Variants in OR2A42 observed in about 807,000 individuals in gnomAD.
OR2A42 encodes the protein olfactory receptor 2A1/2A42.
For missense variants in OR2A42, 3 were observed against 104.1 expected (o/e 0.03, Z 4.23); for synonymous variants, 5 against 46.4 (o/e 0.11, Z 3.63).
rs865863903 is a variant in OR2A42 at position 144,237,549 on chromosome 7, A to C, written c.-5+883T>G. ...CCAGATTCAGTCCAAAGACGGTAAA[A>C]AAACAAACAAACAAACAACAACAAA... On this transcript the variant is annotated intron_variant, in intron 2 of 2. Transcript: ENST00000641810. Among the ~76,000 whole-genome samples, 571 of 146,136 alleles carry C rather than the reference A, an allele frequency of 3.9e-3. 14 individuals carry two copies. The highest frequency in any genetic ancestry group is 0.018 in the Middle Eastern group (5 of 278).
At chr7:144,235,603 G>GT (rs1177777823) in intron 2 of OR2A42, among the ~76,000 whole-genome samples, 4 of 152,296 alleles carry the variant, frequency 2.6e-5, no homozygotes, top group South Asian at 2.1e-4. Flanking sequence ...TGAATGCATA[G>GT]TTTTTTTAAC....
chr7:144,235,122 T>A (rs1586962744), intron 2 of OR2A42, among the ~76,000 whole-genome samples: 1 of 146,988 alleles, frequency 6.8e-6, no homozygotes, highest in South Asian at 2.2e-4. Context: ...CTAATTTTTT[T>A]AAATAAATAT....
At chr7:144,236,866 C>CT in intron 2 of OR2A42, among the ~76,000 whole-genome samples, 1 of 25,364 alleles carries the variant, frequency 3.9e-5, no homozygotes, top group Middle Eastern at 7.7e-3. Context: ...GTCTGGCTAC[C>CT]TTTTTTTAAA....
At position 144,230,017 on chromosome 7, in the gene OR2A42, T is replaced by G; in HGVS notation, c.*1894A>C. 6.7e-6 allele frequency: 1 copy of G among 149,752 alleles called. No individual in the cohort carries two copies. The highest frequency in any genetic ancestry group is 1.5e-5 in the Non-Finnish European group (1 of 67,090). 9.3% of individuals were successfully genotyped at this position (149,752 alleles called of 1,614,324 possible). ...ATCAACTTAAAAGTTTTATCCATTG[T>G]TTTTGGTTTCACCATCCTGCCCGTC... is the stretch of plus-strand genomic sequence containing the variant. On this transcript the variant is annotated 3_prime_UTR_variant, in exon 3 of 3. Transcript: ENST00000641810.
At chr7:144,236,642 A>AG (rs2052433407) in intron 2 of OR2A42, among the ~76,000 whole-genome samples, 1 of 99,852 alleles carries the variant, frequency 1.0e-5, no homozygotes, top group Non-Finnish European at 1.8e-5. Flanking sequence ...CAAAAAGAAA[A>AG]GGAAAAAAAG....
At chr7:144,237,410 TTTC>T (rs2052442417) in intron 2 of OR2A42, among the ~76,000 whole-genome samples, 1 of 143,322 alleles carries the variant, frequency 7.0e-6, no homozygotes, top group Non-Finnish European at 1.5e-5. Context: ...TAAATGAGAT[TTTC>T]TTTGTATCAC....
chr7:144,235,483 G>A (rs1207936670), intron 2 of OR2A42, among the ~76,000 whole-genome samples: 3 of 151,986 alleles, frequency 2.0e-5, no homozygotes, highest in Admixed American at 2.0e-4. Context: ...GGACTGGGTT[G>A]TTAACACACT....
rs1337933894 is a variant in OR2A42, at chr7:144,229,692, T to TA, written c.*2218dup. 1 of 150,326 alleles carries TA rather than the reference T, an allele frequency of 6.7e-6. No individual in the cohort carries two copies. Among genetic ancestry groups the TA allele is most frequent in the Non-Finnish European group, 1.5e-5 (1 of 67,302 alleles). The allele number at this position is 150,326 out of a possible 1,614,324, so 9.3% of individuals were successfully genotyped here. A position where few individuals can be genotyped will look rare whatever the true frequency, so the allele number is the denominator to read the frequency against. ...CAGTATGCAGCATCTGCCGTGAAAC[T>TA]AAACAACCGTTTAAAAACTGTTCGG... On this transcript the variant is annotated 3_prime_UTR_variant, in exon 3 of 3. Coordinates refer to ENST00000641810, the MANE Select transcript of OR2A42 (RefSeq NM_001001802.3).
At chr7:144,235,256 T>C (rs1477885693) in intron 2 of OR2A42, among the ~76,000 whole-genome samples, 3 of 148,534 alleles carry the variant, frequency 2.0e-5, no homozygotes, top group Non-Finnish European at 4.5e-5. Context: ...GTACCCAGTC[T>C]ACATCTTATA....
In OR2A42 at chr7:144,230,016, G is replaced by GT. The variant is rs1323049907; in HGVS notation, c.*1894dup. 1.3e-5 allele frequency: 2 copies of GT among 149,594 alleles called. No homozygotes were observed. Among genetic ancestry groups the GT allele is most frequent in the African/African-American group, 2.4e-5 (1 of 40,898 alleles). The allele number at this position is 149,594 out of a possible 1,614,324, so 9.3% of individuals were successfully genotyped here. On this transcript the variant is annotated 3_prime_UTR_variant, in exon 3 of 3. Transcript: ENST00000641810. ...CATCAACTTAAAAGTTTTATCCATT[G>GT]TTTTTGGTTTCACCATCCTGCCCGT... is the stretch of plus-strand genomic sequence containing the variant.
Position 144,230,543 on chromosome 7 carries a change from G to GCA in OR2A42, c.*1366_*1367dup, listed in dbSNP as rs902496985. On this transcript the variant is annotated 3_prime_UTR_variant, in exon 3 of 3. Coordinates refer to ENST00000641810, the MANE Select transcript of OR2A42 (RefSeq NM_001001802.3). ...TATATGTGTGTGTGTGTGTGTGCGC[G>GCA]CACGCATGTACGTGAGCATGTGAGT... The GCA allele has an allele frequency of 3.4e-5, 5 of 147,500 alleles. No homozygotes were observed. In the East Asian group the frequency reaches 9.8e-4, roughly 29 times the overall value. 9.1% of individuals were successfully genotyped at this position (147,500 alleles called of 1,614,324 possible).
At position 144,230,538 on chromosome 7, in the gene OR2A42, T is replaced by TGTGTGTGTGTGC. The variant is rs1165910078; in HGVS notation, c.*1372_*1373insGCACACACACAC. 6.8e-6 allele frequency: 1 copy of TGTGTGTGTGTGC among 147,834 alleles called. No homozygotes were observed. The highest frequency in any genetic ancestry group is 2.6e-5 in the African/African-American group (1 of 39,202). 9.2% of individuals were successfully genotyped at this position (147,834 alleles called of 1,614,324 possible). ...GTGCGTATATGTGTGTGTGTGTGTG[T>TGTGTGTGTGTGC]GCGCGCACGCATGTACGTGAGCATG... On this transcript the variant is annotated 3_prime_UTR_variant, in exon 3 of 3. Coordinates refer to ENST00000641810, the MANE Select transcript of OR2A42 (RefSeq NM_001001802.3).
intron 2 of OR2A42, among the ~76,000 whole-genome samples, chr7:144,237,712 C>A (rs2052449096): frequency 1.3e-5 from 2 of 150,148 alleles, no homozygotes. Flanking sequence ...TATTTATTGA[C>A]TAACTAGATA....
chr7:144,237,647 G>C (rs992063671), intron 2 of OR2A42, among the ~76,000 whole-genome samples: 1 of 150,632 alleles, frequency 6.6e-6, no homozygotes, highest in Non-Finnish European at 1.5e-5. Flanking sequence ...TGACTAAAAA[G>C]GTGAAATACA....
rs2052460105 is a variant in OR2A42 at position 144,238,487 on chromosome 7, G to A, written c.-60C>T. Reference sequence around the variant, plus strand: ...AAGACCAGGAGCTACAACATGTCTAGGAGGAATTCATGGTAAAGTAAAAAG... The same window carrying A: ...AAGACCAGGAGCTACAACATGTCTAAGAGGAATTCATGGTAAAGTAAAAAG... On this transcript the variant is annotated 5_prime_UTR_variant, in exon 2 of 3. Transcript: ENST00000641810. 1 of 150,002 alleles carries A rather than the reference G, an allele frequency of 6.7e-6. No individual in the cohort carries two copies. The highest frequency in any genetic ancestry group is 2.5e-5 in the African/African-American group (1 of 40,572). The allele number at this position is 150,002 out of a possible 1,614,324, so 9.3% of individuals were successfully genotyped here. A position where few individuals can be genotyped will look rare whatever the true frequency, so the allele number is the denominator to read the frequency against.
intron 1 of OR2A42, 166 bp downstream of exon 1, chr7:144,239,404 TTTCTAC>T (rs1202849126): frequency 4.9e-5 from 4 of 81,838 alleles, no homozygotes; most frequent in Non-Finnish European, 1.0e-4. Context: ...TTCATGTTTA[TTTCTAC>T]TTCTTTCTTC....
intron 2 of OR2A42, among the ~76,000 whole-genome samples, chr7:144,235,625 T>A (rs1368084188): frequency 1.3e-5 from 2 of 152,204 alleles, no homozygotes; most frequent in African/African-American, 4.8e-5. Context: ...ATCCTTTGAC[T>A]GAATCTGGAA....
chr7:144,235,225 G>T (rs1586962818), intron 2 of OR2A42, among the ~76,000 whole-genome samples: 2 of 147,316 alleles, frequency 1.4e-5, no homozygotes, highest in African/African-American at 5.1e-5. Flanking sequence ...CCAAAGTGCT[G>T]GGATTGTAGG....
intron 2 of OR2A42, among the ~76,000 whole-genome samples, chr7:144,237,429 A>T (rs1397136611): frequency 4.8e-4 from 67 of 140,004 alleles, no homozygotes; most frequent in African/African-American, 1.7e-3. Context: ...ATCACATAGA[A>T]TGAAAGAAAC....
Sources: gnomAD v4.1 joint callset for allele counts (sites outside exome capture counted in the v4.1 genomes callset) on GRCh38, gnomAD v4.1.1 for gene constraint, MANE v1.5 for transcripts, NCBI Gene and HGNC (gene_info 2026-07-23, HGNC 2026-07-21) for gene names.